TXLNG: variants seen among roughly 807,000 people sequenced by gnomAD.
TXLNG encodes the protein gamma-taxilin.
TXLNG carries 5 observed loss-of-function variants against 38.8 expected under a neutral mutation model. The ratio of observed to expected loss-of-function variants is 0.13; its 90% confidence interval spans 0.07 to 0.27. The LOEUF (loss-of-function observed/expected upper bound fraction) is 0.27. TXLNG is among the 10% of genes least tolerant of loss of function. The pLI is 1.00. For missense variants in TXLNG, 393 were observed against 398.2 expected, an observed-to-expected ratio of 0.99 and a Z score of 0.11; for synonymous variants, 182 against 158.2, an observed-to-expected ratio of 1.15 and a Z score of -1.13.
chrX:16,833,433 C>T lies in TXLNG; in HGVS notation c.984+691C>T, dbSNP rs16980480. On this transcript the variant is annotated intron_variant, in intron 6 of 9. Transcript: ENST00000380122. ...ATAATGCAGACTGTTGCATCCACAG[C>T]CCTGACATGAGCACAGTGTGAAGAT... Among the ~76,000 whole-genome samples, 1,057 of 111,816 alleles carry T rather than the reference C, an allele frequency of 9.5e-3. 9 individuals carry two copies. The highest frequency in any genetic ancestry group is 0.033 in the African/African-American group (1,008 of 30,731).
At chrX:16,838,462 T>C (rs1193748021) in intron 8 of TXLNG, among the ~76,000 whole-genome samples, 1 of 112,150 alleles carries the variant, frequency 8.9e-6, no homozygotes, top group Non-Finnish European at 1.9e-5. Context: ...CCCAGTTGCA[T>C]CATAGAACGT....
At position 16,832,725 on chromosome X, in the gene TXLNG, CAGAG is replaced by C; in HGVS notation, c.978_981del (p.Arg326SerfsTer4). 8.4e-7 allele frequency: 1 copy of C among 1,194,474 alleles called. No individual in the cohort carries two copies. Among genetic ancestry groups the C allele is most frequent in the Non-Finnish European group, 1.1e-6 (1 of 887,232 alleles). On this transcript the variant is annotated frameshift_variant, in exon 6 of 10. Coordinates refer to ENST00000380122, the MANE Select transcript of TXLNG (RefSeq NM_018360.3). LOFTEE classifies it high-confidence loss of function. ...GATAAAAGAAGCTGATGAAAAACATCAGAGAGAGAGAGAGTTTGTAAGTTCTACT... is the reference window on the plus strand; with the variant it reads ...GATAAAAGAAGCTGATGAAAAACATCAGAGAGAGAGTTTGTAAGTTCTACT...
intron 1 of TXLNG, among the ~76,000 whole-genome samples, chrX:16,797,029 A>G (rs917967188): frequency 1.8e-5 from 2 of 111,544 alleles, no homozygotes; most frequent in African/African-American, 6.5e-5. Context: ...CATGTCTGTA[A>G]TCCCAGCACT....
chrX:16,801,288 C>G (rs1928080448), intron 1 of TXLNG, among the ~76,000 whole-genome samples: 1 of 111,971 alleles, frequency 8.9e-6, no homozygotes, highest in Non-Finnish European at 1.9e-5. Flanking sequence ...CGGGTTCATG[C>G]AATTCTCCTG....
chrX:16,806,666 C>T (rs1344689230), intron 1 of TXLNG, among the ~76,000 whole-genome samples: 2 of 110,646 alleles, frequency 1.8e-5, no homozygotes, highest in African/African-American at 6.6e-5. Flanking sequence ...GCCTGTAATC[C>T]CAGCACTTTG....
chrX:16,786,846 G>T (rs1456992703), intron 1 of TXLNG, among the ~76,000 whole-genome samples: 2 of 110,311 alleles, frequency 1.8e-5, no homozygotes, highest in Non-Finnish European at 3.8e-5. Context: ...GGGCGCACGC[G>T]GTTCTAAGGG....
At chrX:16,835,035 G>C (rs1602398945) in intron 7 of TXLNG, among the ~76,000 whole-genome samples, 1 of 105,643 alleles carries the variant, frequency 9.5e-6, no homozygotes, top group African/African-American at 3.5e-5. Context: ...ATCTCTCTCT[G>C]TGGTTGCCTT....
At chrX:16,807,364 A>G (rs1334518245) in intron 1 of TXLNG, among the ~76,000 whole-genome samples, 1 of 111,991 alleles carries the variant, frequency 8.9e-6, no homozygotes, top group African/African-American at 3.2e-5. Context: ...TTGAACTTGC[A>G]TTTTCCAAAG....
intron 1 of TXLNG, among the ~76,000 whole-genome samples, chrX:16,808,688 C>T (rs1447887704): frequency 9.0e-6 from 1 of 111,544 alleles, no homozygotes; most frequent in Non-Finnish European, 1.9e-5. Context: ...ATTAACGTGT[C>T]CTTACCAGTA....
intron 1 of TXLNG, among the ~76,000 whole-genome samples, chrX:16,814,451 T>C (rs1928656005): frequency 9.0e-6 from 1 of 111,519 alleles, no homozygotes; most frequent in Non-Finnish European, 1.9e-5. Context: ...CTGTCTCTAC[T>C]AAAAATACAA....
chrX:16,836,491 G>A (rs1332351856), intron 7 of TXLNG, among the ~76,000 whole-genome samples: 1 of 112,305 alleles, frequency 8.9e-6, no homozygotes, highest in Non-Finnish European at 1.9e-5. Flanking sequence ...ATCTCACAGG[G>A]ACCTCGTCTA....
intron 3 of TXLNG, among the ~76,000 whole-genome samples, chrX:16,824,883 AC>A (rs989776646): frequency 9.1e-6 from 1 of 109,688 alleles, no homozygotes; most frequent in Admixed American, 9.8e-5. Flanking sequence ...CCAAGATCGC[AC>A]CACTGCATTC....
chrX:16,832,252 G>A (rs1306521525), intron 5 of TXLNG, among the ~76,000 whole-genome samples: 11 of 112,402 alleles, frequency 9.8e-5, no homozygotes, highest in Non-Finnish European at 1.5e-4. Flanking sequence ...CTGTGTGCAT[G>A]ATGTATGGTT....
chrX:16,829,666 C>T lies in TXLNG; in HGVS notation c.760C>T (p.Gln254Ter). 1 of 1,211,717 alleles carries T rather than the reference C, an allele frequency of 8.3e-7. No homozygotes were observed. Among genetic ancestry groups the T allele is most frequent in the Non-Finnish European group, 1.1e-6 (1 of 895,445 alleles). ...GATTACCTTAAATGAAATTCAAGCCCAGCTGGAGCAGCATGACATCCACAA... is the reference window on the plus strand; with the variant it reads ...GATTACCTTAAATGAAATTCAAGCCTAGCTGGAGCAGCATGACATCCACAA... ...FQITLNEIQA[Q>*]LEQHDIHNAK... The change falls in exon 5 of 10, where the codon CAG (glutamine) becomes TAG (stop). Residue 254 changes from glutamine (Q) to a stop codon, truncating the protein, a stop_gained. Coordinates refer to ENST00000380122, the MANE Select transcript of TXLNG (RefSeq NM_018360.3). LOFTEE classifies it high-confidence loss of function.
At chrX:16,800,235 C>A (rs1414297193) in intron 1 of TXLNG, among the ~76,000 whole-genome samples, 1 of 111,578 alleles carries the variant, frequency 9.0e-6, no homozygotes, top group African/African-American at 3.3e-5. Context: ...CCACTATGCC[C>A]AGCCACTTTA....
chrX:16,800,103 C>T (rs1488389806), intron 1 of TXLNG, among the ~76,000 whole-genome samples: 4 of 109,836 alleles, frequency 3.6e-5, no homozygotes, highest in Non-Finnish European at 7.6e-5. Flanking sequence ...CCACGCCCGG[C>T]TAATTTGTGT....
rs756998963 is a variant in TXLNG, at chrX:16,841,676, G to A, written c.1497G>A (p.Ala499=). The A allele has an allele frequency of 2.5e-5, 30 of 1,209,961 alleles. No individual in the cohort carries two copies. Among genetic ancestry groups the A allele is most frequent in the Admixed American group, 1.3e-4 (6 of 45,736 alleles). Residue 499 remains alanine (A), a synonymous_variant, in exon 10 of 10, where the codon GCG becomes GCA. Coordinates refer to ENST00000380122, the MANE Select transcript of TXLNG (RefSeq NM_018360.3). The stretch of plus-strand genomic sequence containing the variant: ...CTTCCTCGAAAAGAGCCCTGGGAGC[G>A]CACCTGGAGGCTGAGCCCAAGAGTC... ...LNTSSKRALG[A]HLEAEPKSQR... is the part of the protein sequence containing the mutation.
rs1929831622 is a variant in TXLNG at position 16,841,613 on chromosome X, G to A, written c.1434G>A (p.Gln478=). The change falls in exon 10 of 10, where the codon CAG becomes CAA. Residue 478 remains glutamine, a synonymous_variant. Transcript: ENST00000380122. ...GGGATTTAGCAACACCTGTGATGCA[G>A]CCCTGTACTGCCCTGGATTCTCACA... ...ANRDLATPVM[Q]PCTALDSHKE... is the part of the protein sequence containing the mutation. 1.1e-5 allele frequency: 13 copies of A among 1,209,563 alleles called. No homozygotes were observed. The highest frequency in any genetic ancestry group is 1.2e-5 in the Non-Finnish European group (11 of 895,205).
Position 16,829,571 on chromosome X carries a change from A to G in TXLNG, c.670-5A>G, listed in dbSNP as rs772991102. On this transcript the variant is annotated splice_region_variant and splice_polypyrimidine_tract_variant and intron_variant, in intron 4 of 9. Transcript: ENST00000380122. ...TTATTAACAAAAATTATTTTGGGTA[A>G]TAAGGAGGAAAATATGCAGCAGGCA... The G allele has an allele frequency of 8.3e-7, 1 of 1,208,882 alleles. No individual in the cohort carries two copies.
Sources: gnomAD v4.1 joint callset for allele counts (sites outside exome capture counted in the v4.1 genomes callset) on GRCh38, gnomAD v4.1.1 for gene constraint, MANE v1.5 for transcripts, NCBI Gene and HGNC (gene_info 2026-07-23, HGNC 2026-07-21) for gene names.